Variants in SLC12A3 observed in about 807,000 individuals in gnomAD.
SLC12A3 encodes Na-Cl cotransporter.
A neutral mutation model predicts 121.0 loss-of-function variants in SLC12A3; 104 were observed. The ratio of observed to expected loss-of-function variants is 0.86; its 90% CI spans 0.73 to 1.01. The LOEUF (loss-of-function observed/expected upper bound fraction) is 1.01. SLC12A3 is among the 50% of genes least tolerant of loss of function. SLC12A3 has a pLI of 0.00. For synonymous variants in SLC12A3, 536 were observed against 533.4 expected (o/e 1.00, Z -0.07); for missense variants, 1,328 against 1,356.3 (o/e 0.98, Z 0.33).
chr16:56,909,918 A>T (rs1181144055), intron 25 of SLC12A3, among the ~76,000 whole-genome samples: 1 of 152,198 alleles, frequency 6.6e-6, no homozygotes, highest in Non-Finnish European at 1.5e-5. Context: ...ATTGCTGTTC[A>T]CTAATCAGTG....
At chr16:56,884,610 A>T (rs2055286288) in intron 14 of SLC12A3, among the ~76,000 whole-genome samples, 1 of 152,144 alleles carries the variant, frequency 6.6e-6, no homozygotes, top group African/African-American at 2.4e-5. Context: ...CAAGGTCTCT[A>T]CTTGGCTGCA....
chr16:56,907,943 G>A, intron 25 of SLC12A3, among the ~76,000 whole-genome samples: 1 of 152,108 alleles, frequency 6.6e-6, no homozygotes. Flanking sequence ...AGTAGAGCAT[G>A]TAGAATTCTT....
chr16:56,875,839 C>G (rs113415042), intron 8 of SLC12A3, among the ~76,000 whole-genome samples: 1 of 146,676 alleles, frequency 6.8e-6, no homozygotes, highest in Admixed American at 6.7e-5. Flanking sequence ...AGGTCCACAT[C>G]TCAGCCCACC....
chr16:56,892,248 G>A (rs2055398628), intron 20 of SLC12A3, 115 bp downstream of exon 20: 2 of 946,766 alleles, frequency 2.1e-6, no homozygotes, highest in Non-Finnish European at 3.4e-6. Context: ...GAGGACAGGT[G>A]GTTTTTTCTT....
Position 56,884,147 on chromosome 16 carries a change from C to T in SLC12A3, c.1768C>T (p.Leu590Phe), listed in dbSNP as rs868489710. The change falls in exon 14 of 26, where the codon CTC becomes TTC. Residue 590 changes from leucine (L) to phenylalanine (F), a missense_variant. By Grantham distance (22) the Leu-to-Phe change is conservative. Coordinates refer to ENST00000563236, the MANE Select transcript of SLC12A3 (RefSeq NM_001126108.2). ...GTTCCTCCTCACCTGGTGGGCGGCC[C>T]TCATCGCCATTGGCGTGGTGCTCTT... The part of the protein sequence containing the change: ...IMFLLTWWAA[L>F]IAIGVVLFLL... 3.7e-6 allele frequency: 6 copies of T among 1,614,238 alleles called. No individual in the cohort carries two copies. Among genetic ancestry groups the T allele is most frequent in the Non-Finnish European group, 4.2e-6 (5 of 1,180,024 alleles).
At chr16:56,870,565 G>T in intron 5 of SLC12A3, 61 bp from the exon 6 acceptor site, 1 of 1,138,168 alleles carries the variant, frequency 8.8e-7, no homozygotes. Flanking sequence ...TAGGTGGGCA[G>T]AGTCTGGGGG....
At position 56,882,460 on chromosome 16, in the gene SLC12A3, C is replaced by T; in HGVS notation, c.1632C>T (p.Asn544=). The T allele has an allele frequency of 6.2e-7, 1 of 1,614,136 alleles. No individual in the cohort carries two copies. The highest frequency in any genetic ancestry group is 2.2e-5 in the East Asian group (1 of 44,886). The change falls in exon 13 of 26, where the codon AAC becomes AAT. Residue 544 remains asparagine, a synonymous_variant. Transcript: ENST00000563236. ...TCCTCTGCTCCTATGCCCTCATCAA[C>T]TTCAGCTGCTTCCACGCCTCCATCA... ...NFFLCSYALI[N]FSCFHASITN...
In SLC12A3 at chr16:56,892,827, G is replaced by A. The variant is rs1190095969; in HGVS notation, c.2420-126G>A. The A allele has an allele frequency of 2.0e-5, 15 of 734,078 alleles. 1 individual carries two copies. The highest frequency in any genetic ancestry group is 6.9e-5 in the African/African-American group (4 of 57,596). 45.5% of individuals were successfully genotyped at this position (734,078 alleles called of 1,614,324 possible). On this transcript the variant is annotated intron_variant, in intron 20 of 25. Transcript: ENST00000563236. ...CACAGCACTGAGCGTCCTGGGCCCC[G>A]GTTCCTGTTCCACCTGCCAGAGAAC...
At chr16:56,887,115 C>T (rs1177852413) in intron 17 of SLC12A3, 22 bp downstream of exon 17, 1 of 1,613,670 alleles carries the variant, frequency 6.2e-7, no homozygotes, top group African/African-American at 1.3e-5. Context: ...TGGGGGCTCC[C>T]CTACAGGACT....
At chr16:56,881,228 A>G (rs1303091759) in intron 12 of SLC12A3, among the ~76,000 whole-genome samples, 1 of 152,200 alleles carries the variant, frequency 6.6e-6, no homozygotes, top group Non-Finnish European at 1.5e-5. Context: ...ATCACAGTCC[A>G]TGAGATTTGC....
intron 25 of SLC12A3, among the ~76,000 whole-genome samples, chr16:56,912,654 A>AG (rs1284428612): frequency 6.6e-6 from 1 of 152,206 alleles, no homozygotes; most frequent in Admixed American, 6.5e-5. Context: ...CACTGGGAAA[A>AG]GGGGGGTGAA....
At chr16:56,891,181 C>T (rs1427369678) in intron 19 of SLC12A3, among the ~76,000 whole-genome samples, 1 of 151,590 alleles carries the variant, frequency 6.6e-6, no homozygotes, top group African/African-American at 2.4e-5. Context: ...CAACACCAGC[C>T]TGGGTAACAT....
chr16:56,869,998 G>A, intron 4 of SLC12A3, 98 bp from the exon 5 acceptor site: 2 of 1,509,098 alleles, frequency 1.3e-6, no homozygotes, highest in East Asian at 4.5e-5. Flanking sequence ...CCTGCCCCGT[G>A]GGTCCTGTGG....
chr16:56,872,736 C>G lies in SLC12A3; in HGVS notation c.1045C>G (p.Pro349Ala), dbSNP rs1335601482. 6.2e-7 allele frequency: 1 copy of G among 1,614,110 alleles called. No individual in the cohort carries two copies. Among genetic ancestry groups the G allele is most frequent in the African/African-American group, 1.3e-5 (1 of 74,934 alleles). The change falls in exon 8 of 26, where the codon CCC (proline) becomes GCC (alanine). Residue 349 changes from proline to alanine, a missense_variant. Transcript: ENST00000563236. ...CTTCGGAATGTTCTCCATCTTCTTC[C>G]CCTCGGCCACAGGCATCCTGGCAGG... ...TFFGMFSIFF[P>A]SATGILAGAN... is the part of the protein sequence containing the mutation.
At chr16:56,902,030 G>A (rs1437588721) in intron 23 of SLC12A3, among the ~76,000 whole-genome samples, 1 of 152,122 alleles carries the variant, frequency 6.6e-6, no homozygotes, top group Non-Finnish European at 1.5e-5. Context: ...TTTGCTACTT[G>A]CTTATCACCG....
rs2144741731 is a variant in SLC12A3 at position 56,892,139 on chromosome 16, A to G, written c.2419+6A>G. 6.2e-7 allele frequency: 1 copy of G among 1,613,540 alleles called. No individual in the cohort carries two copies. Among genetic ancestry groups the G allele is most frequent in the East Asian group, 2.2e-5 (1 of 44,876 alleles). On this transcript the variant is annotated splice_donor_region_variant and intron_variant, in intron 20 of 25. Transcript: ENST00000563236. ...GAAGGAAGCCAGCGCCAGAGGTGCCAGGCCATCAGTCTCTGGCGCTTGTCA... is the reference window on the plus strand; with the variant it reads ...GAAGGAAGCCAGCGCCAGAGGTGCCGGGCCATCAGTCTCTGGCGCTTGTCA...
Position 56,913,695 on chromosome 16 carries a change from A to G in SLC12A3, c.*290A>G. 2 of 441,196 alleles carry G rather than the reference A, an allele frequency of 4.5e-6. No homozygotes were observed. Among genetic ancestry groups the G allele is most frequent in the Non-Finnish European group, 8.4e-6 (2 of 237,856 alleles). 27.3% of individuals were successfully genotyped at this position (441,196 alleles called of 1,614,324 possible). A position where few individuals can be genotyped will look rare whatever the true frequency, so the allele number is the denominator to read the frequency against. On this transcript the variant is annotated 3_prime_UTR_variant, in exon 26 of 26. Transcript: ENST00000563236. ...TAAAGGATTTCTTTTGATTTTGATG[A>G]CCATTAATTAAGAGTTCAGTCTTTG...
chr16:56,886,285 G>T, intron 15 of SLC12A3, 79 bp from the exon 16 acceptor site: 1 of 1,009,672 alleles, frequency 9.9e-7, no homozygotes, highest in South Asian at 1.3e-5. Context: ...CATTCAGGGA[G>T]CCTGGGAGGT....
intron 8 of SLC12A3, among the ~76,000 whole-genome samples, 158 bp from the exon 9 acceptor site, chr16:56,877,919 G>A (rs1217164027): frequency 6.6e-6 from 1 of 152,188 alleles, no homozygotes; most frequent in Non-Finnish European, 1.5e-5. Flanking sequence ...GCTGGAACAG[G>A]GGCTCTGAGG....
Sources: gnomAD v4.1 joint callset for allele counts (sites outside exome capture counted in the v4.1 genomes callset) on GRCh38, gnomAD v4.1.1 for gene constraint, MANE v1.5 for transcripts, NCBI Gene and HGNC (gene_info 2026-07-23, HGNC 2026-07-21) for gene names.